Variants in UBAC1 observed in about 807,000 individuals in gnomAD.
The protein encoded by UBAC1 is ubiquitin-associated domain-containing protein 1.
Under a neutral mutation model 45.9 loss-of-function variants are expected in UBAC1, and 27 were observed. That is an observed-to-expected ratio of 0.59 (90% CI 0.43 to 0.81). UBAC1 has a LOEUF of 0.81. Ranked by LOEUF, UBAC1 falls within the 30% of genes least tolerant of loss-of-function variation. The pLI, the probability that UBAC1 is intolerant of heterozygous loss-of-function variation, is 0.00. For missense variants in UBAC1, 529 were observed against 539.2 expected, an observed-to-expected ratio of 0.98 and a Z score of 0.19; for synonymous variants, 227 against 215.5, an observed-to-expected ratio of 1.05 and a Z score of -0.47.
chr9:135,942,114 T>C (rs1340399079), intron 7 of UBAC1: 4 of 152,240 alleles, frequency 2.6e-5, no homozygotes, highest in Non-Finnish European at 5.9e-5. Flanking sequence ...TGAGCATCCA[T>C]ATTTAACAAA....
Position 135,945,981 on chromosome 9 carries a change from G to A in UBAC1, c.561C>T (p.Asp187=), listed in dbSNP as rs565244235. 1.7e-5 allele frequency: 27 copies of A among 1,613,782 alleles called. 1 individual carries two copies. Among genetic ancestry groups the A allele is most frequent in the South Asian group, 7.7e-5 (7 of 91,090 alleles). Residue 187 remains aspartate (D), a synonymous_variant, in exon 6 of 10, where the codon GAC becomes GAT. Coordinates refer to ENST00000371756, the MANE Select transcript of UBAC1 (RefSeq NM_016172.3). ...FKKANAMLDE[D]EDERVDEAAL... is the part of the protein sequence containing the mutation. ...CAGCCTCGTCCACACGCTCATCCTC[G>A]TCCTCGTCCAGCATTGCTGCAGGGA... is the stretch of plus-strand genomic sequence containing the variant.
chr9:135,953,039 A>G (rs1475179266), intron 3 of UBAC1, among the ~76,000 whole-genome samples: 4 of 152,120 alleles, frequency 2.6e-5, no homozygotes, highest in African/African-American at 4.8e-5. Flanking sequence ...TGAAAAGAGG[A>G]GGGAACAGGA....
At position 135,953,214 on chromosome 9, in the gene UBAC1, G is replaced by A. The variant is rs531409362; in HGVS notation, c.333+466C>T. ...ACGGATTAAACAGGCTCTGCCGGGA[G>A]AGAGAACCCCTTATAACCACATCTA... On this transcript the variant is annotated intron_variant, in intron 3 of 9. Coordinates refer to ENST00000371756, the MANE Select transcript of UBAC1 (RefSeq NM_016172.3). Among the ~76,000 whole-genome samples the A allele has an allele frequency of 3.5e-3, 534 of 152,350 alleles. 3 individuals carry two copies. Among genetic ancestry groups the A allele is most frequent in the African/African-American group, 0.012 (513 of 41,584 alleles).
chr9:135,948,498 G>A (rs902265657), intron 3 of UBAC1, among the ~76,000 whole-genome samples: 1 of 152,260 alleles, frequency 6.6e-6, no homozygotes, highest in African/African-American at 2.4e-5. Flanking sequence ...GGGACAAGGA[G>A]CGAGCCTCAG....
intron 7 of UBAC1, among the ~76,000 whole-genome samples, chr9:135,941,722 T>C (rs1161125047): frequency 1.4e-5 from 2 of 142,424 alleles, no homozygotes; most frequent in Non-Finnish European, 3.1e-5. Flanking sequence ...TTGTGGGCAA[T>C]GGGAGAGGGG....
chr9:135,952,922 C>T (rs952322034), intron 3 of UBAC1, among the ~76,000 whole-genome samples: 4 of 152,240 alleles, frequency 2.6e-5, no homozygotes, highest in African/African-American at 9.6e-5. Context: ...TGGGGCTTGT[C>T]GCGAGTGCTC....
rs774128934 is a variant in UBAC1 at position 135,947,941 on chromosome 9, C to T, written c.334-36G>A. 2.3e-5 allele frequency: 36 copies of T among 1,583,730 alleles called. 1 individual carries two copies. The highest frequency in any genetic ancestry group is 1.7e-4 in the Middle Eastern group (1 of 6,012). On this transcript the variant is annotated intron_variant, in intron 3 of 9. Transcript: ENST00000371756. The stretch of plus-strand genomic sequence containing the variant: ...ACGTAATCAGAAAGTCTGAGGTGAA[C>T]GTAAGAGCAGCAAAAAGACGATGAC...
chr9:135,950,511 A>T (rs1839394879), intron 3 of UBAC1, among the ~76,000 whole-genome samples: 1 of 152,212 alleles, frequency 6.6e-6, no homozygotes, highest in Admixed American at 6.5e-5. Context: ...CTCAACAAGC[A>T]AACAAAAGGA....
chr9:135,944,585 C>T (rs1272650936), intron 7 of UBAC1, among the ~76,000 whole-genome samples: 1 of 152,228 alleles, frequency 6.6e-6, no homozygotes, highest in East Asian at 1.9e-4. Flanking sequence ...GCCATGGAGG[C>T]GGCTGGCAGC....
In UBAC1 at chr9:135,935,959, G is replaced by A. The variant is rs571783262; in HGVS notation, c.1102+2263C>T. Reference sequence around the variant, plus strand: ...GAGAATGGCGTGAACCCGGTAGGCGGAGCTTGCAGTGAGCTGAGATCGTGC... The same window carrying A: ...GAGAATGGCGTGAACCCGGTAGGCGAAGCTTGCAGTGAGCTGAGATCGTGC... On this transcript the variant is annotated intron_variant, in intron 9 of 9. Transcript: ENST00000371756. 3.3e-5 allele frequency among the ~76,000 whole-genome samples: 5 copies of A among 149,906 alleles called. No individual in the cohort carries two copies. In the South Asian group the frequency reaches 1.1e-3, roughly 32 times the overall value.
chr9:135,940,970 T>G (rs1370297121), intron 7 of UBAC1, among the ~76,000 whole-genome samples: 1 of 152,204 alleles, frequency 6.6e-6, no homozygotes, highest in Non-Finnish European at 1.5e-5. Context: ...CATGCAGCAC[T>G]GCACCCCGCG....
At position 135,933,300 on chromosome 9, in the gene UBAC1, G is replaced by C. The variant is rs374563252; in HGVS notation, c.*100C>G. 72 of 903,968 alleles carry C rather than the reference G, an allele frequency of 8.0e-5. No individual in the cohort carries two copies. Among genetic ancestry groups the C allele is most frequent in the East Asian group, 7.9e-4 (33 of 41,564 alleles). The allele number at this position is 903,968 out of a possible 1,614,324, so 56.0% of individuals were successfully genotyped here. A position where few individuals can be genotyped will look rare whatever the true frequency, so the allele number is the denominator to read the frequency against. ...GCAGCACCTCTAACAGTCCAGGGCT[G>C]AGGCGCTGAAGGTGAGTTTCCAGGT... On this transcript the variant is annotated 3_prime_UTR_variant, in exon 10 of 10. Coordinates refer to ENST00000371756, the MANE Select transcript of UBAC1 (RefSeq NM_016172.3).
chr9:135,951,582 G>A (rs1374564567), intron 3 of UBAC1, among the ~76,000 whole-genome samples: 1 of 152,156 alleles, frequency 6.6e-6, no homozygotes, highest in Admixed American at 6.5e-5. Context: ...GCCGAGGCAG[G>A]TGGATCACCC....
intron 4 of UBAC1, among the ~76,000 whole-genome samples, chr9:135,946,787 G>A (rs900641072): frequency 4.6e-5 from 7 of 152,206 alleles, no homozygotes; most frequent in Non-Finnish European, 1.0e-4. Context: ...CGTCTGCGGC[G>A]GCCATCACTG....
intron 1 of UBAC1, 57 bp from the exon 2 acceptor site, chr9:135,955,472 A>T (rs562080173): frequency 6.9e-7 from 1 of 1,451,130 alleles, no homozygotes; most frequent in Admixed American, 2.5e-5. Context: ...TTCTAATAAT[A>T]TAGGACCTGG....
Position 135,946,251 on chromosome 9 carries a change from A to G in UBAC1, c.544+18T>C, listed in dbSNP as rs1300861619. 6.4e-7 allele frequency: 1 copy of G among 1,562,742 alleles called. No homozygotes were observed. The highest frequency in any genetic ancestry group is 8.8e-7 in the Non-Finnish European group (1 of 1,133,882). On this transcript the variant is annotated intron_variant, in intron 5 of 9. Transcript: ENST00000371756. ...GCAGTGAACCGCCCTGGAATGCAGC[A>G]TCGGGGTTGACTCATACCATTCGCC...
chr9:135,946,149 CTCATCAGCGCT>C, intron 5 of UBAC1, 109 bp downstream of exon 5: 1 of 1,015,096 alleles, frequency 9.9e-7, no homozygotes, highest in Non-Finnish European at 1.5e-6. Context: ...GCCCCAGGCC[CTCATCAGCGCT>C]TCCATAAAGC....
chr9:135,942,352 A>G (rs944405934), intron 7 of UBAC1: 1 of 152,192 alleles, frequency 6.6e-6, no homozygotes, highest in African/African-American at 2.4e-5. Context: ...ATGAAAATAA[A>G]ACAAAAATGC....
intron 7 of UBAC1, among the ~76,000 whole-genome samples, chr9:135,940,759 G>A (rs1407633362): frequency 6.6e-6 from 1 of 152,138 alleles, no homozygotes; most frequent in Non-Finnish European, 1.5e-5. Flanking sequence ...AATGTTTAAA[G>A]GGGTCCATTT....
Sources: allele counts gnomAD v4.1 joint callset (sites outside exome capture counted in the v4.1 genomes callset), GRCh38; gene constraint gnomAD v4.1.1; transcripts MANE v1.5; gene names NCBI Gene and HGNC (gene_info 2026-07-23, HGNC 2026-07-21).